Variants in CACNA1C observed in about 807,000 individuals in gnomAD.
CACNA1C encodes voltage-dependent L-type calcium channel subunit alpha-1C.
In CACNA1C, 30 loss-of-function variants were observed where a neutral mutation model predicts 229.0. That is an observed-to-expected ratio of 0.13 (90% confidence interval 0.10 to 0.18). The LOEUF is 0.18. CACNA1C is among the 10% of genes least tolerant of loss of function. The pLI is 1.00. For synonymous variants in CACNA1C, 1,114 were observed against 1,132.5 expected, an observed-to-expected ratio of 0.98 and a Z score of 0.33; for missense variants, 1,658 against 2,845.0, an observed-to-expected ratio of 0.58 and a Z score of 9.49.
At chr12:2,441,540 T>C (rs1030712726) in intron 3 of CACNA1C, among the ~76,000 whole-genome samples, 2 of 152,214 alleles carry the variant, frequency 1.3e-5, no homozygotes, top group African/African-American at 2.4e-5. Context: ...TTCCGTCCCA[T>C]GTCCTAAAAT....
rs1060504920 is a variant in CACNA1C, at chr12:2,666,692, T to A, written c.4533T>A (p.Arg1511=). 1 of 1,589,146 alleles carries A rather than the reference T, an allele frequency of 6.3e-7. No homozygotes were observed. Among genetic ancestry groups the A allele is most frequent in the Non-Finnish European group, 8.6e-7 (1 of 1,166,480 alleles). The change falls in exon 37 of 47, where the codon CGT becomes CGA. Residue 1511 remains arginine (R), a synonymous_variant. Transcript: ENST00000399655. The surrounding 1 kb of genome is among the most constrained non-coding windows in gnomAD (Gnocchi z 5.3). ...CCTCTCCCTCCTCTTCTAGGGGTCGTATCAAACACCTGGATGTGGTGACCC... is the reference window on the plus strand; with the variant it reads ...CCTCTCCCTCCTCTTCTAGGGGTCGAATCAAACACCTGGATGTGGTGACCC... ...WAEYDPEAKG[R]IKHLDVVTLL...
chr12:2,368,509 A>G (rs1038010880), intron 3 of CACNA1C, among the ~76,000 whole-genome samples: 13 of 152,258 alleles, frequency 8.5e-5, no homozygotes, highest in African/African-American at 3.1e-4. Flanking sequence ...AAAATGGAAA[A>G]GAATTCCTAT....
chr12:2,139,926 T>G (rs2093976657), intron 3 of CACNA1C, among the ~76,000 whole-genome samples: 1 of 151,036 alleles, frequency 6.6e-6, no homozygotes, highest in South Asian at 2.1e-4. Flanking sequence ...AGGGCTGGCC[T>G]CCTCCCTGGC....
At chr12:2,670,642 C>T (rs1284552917) in intron 38 of CACNA1C, among the ~76,000 whole-genome samples, 1 of 151,994 alleles carries the variant, frequency 6.6e-6, no homozygotes, top group African/African-American at 2.4e-5. Flanking sequence ...GGGCAGATCC[C>T]GAGGTCAGGA....
chr12:2,280,761 C>T (rs1056967406), intron 3 of CACNA1C, among the ~76,000 whole-genome samples: 12 of 151,570 alleles, frequency 7.9e-5, no homozygotes, highest in African/African-American at 2.7e-4. Flanking sequence ...GGTTTAACCT[C>T]TTGATACCTT....
At chr12:2,229,888 G>A (rs943983570) in intron 3 of CACNA1C, among the ~76,000 whole-genome samples, 2 of 152,200 alleles carry the variant, frequency 1.3e-5, no homozygotes, top group African/African-American at 4.8e-5. Context: ...TGCCCGGAAG[G>A]AGGCCAGAGC....
At chr12:2,563,468 G>A (rs146440654) in intron 11 of CACNA1C, among the ~76,000 whole-genome samples, 285 of 152,296 alleles carry the variant, frequency 1.9e-3, no homozygotes, top group African/African-American at 6.4e-3. Flanking sequence ...TTAAGGTGTG[G>A]CCCTCACTGG....
chr12:2,536,646 T>C (rs1208941616), intron 9 of CACNA1C, among the ~76,000 whole-genome samples: 1 of 152,044 alleles, frequency 6.6e-6, no homozygotes, highest in Non-Finnish European at 1.5e-5. Context: ...CTGGGCAACA[T>C]AGTGAGACCT....
At chr12:2,455,568 G>A (rs1200558417) in intron 4 of CACNA1C, among the ~76,000 whole-genome samples, 1 of 152,114 alleles carries the variant, frequency 6.6e-6, no homozygotes, top group Admixed American at 6.5e-5. Context: ...CACACTTGTG[G>A]CTTGCATCAG....
intron 29 of CACNA1C, 23 bp from the exon 30 acceptor site, chr12:2,634,272 TCC>T: frequency 7.8e-7 from 1 of 1,281,764 alleles, no homozygotes. Flanking sequence ...CTTCTCTCTC[TCC>T]CCGGCTGCTC....
At chr12:2,072,346 A>C (rs2061671764) in intron 1 of CACNA1C, among the ~76,000 whole-genome samples, 1 of 152,008 alleles carries the variant, frequency 6.6e-6, no homozygotes, top group African/African-American at 2.4e-5. Context: ...CTACAGGCAC[A>C]CGCCACCGTG....
rs1182388640 is a variant in CACNA1C, at chr12:2,504,778, G to A, written c.1114-64G>A. On this transcript the variant is annotated intron_variant, in intron 7 of 46. Coordinates refer to ENST00000399655, the MANE Select transcript of CACNA1C (RefSeq NM_000719.7). This position sits in a 1 kb window ranked among gnomAD's most constrained non-coding sequence, Gnocchi z 6.8. ...CGTGGGTCAGTGTCTCGGGAGCCGGGGACCGGCACTGGCCGTGCTCGGTTG... is the reference window on the plus strand; with the variant it reads ...CGTGGGTCAGTGTCTCGGGAGCCGGAGACCGGCACTGGCCGTGCTCGGTTG... 3.9e-6 allele frequency: 4 copies of A among 1,021,650 alleles called. No homozygotes were observed. Among genetic ancestry groups the A allele is most frequent in the Admixed American group, 3.7e-5 (2 of 54,388 alleles). 63.3% of individuals were successfully genotyped at this position (1,021,650 alleles called of 1,614,324 possible).
intron 3 of CACNA1C, among the ~76,000 whole-genome samples, chr12:2,123,883 G>T (rs1322291729): frequency 3.9e-5 from 6 of 152,198 alleles, no homozygotes; most frequent in Admixed American, 3.9e-4. Context: ...ACCTCATAGG[G>T]TTGTTGTGAA....
chr12:2,170,987 G>A (rs2096455781), intron 3 of CACNA1C, among the ~76,000 whole-genome samples: 1 of 152,232 alleles, frequency 6.6e-6, no homozygotes, highest in South Asian at 2.1e-4. Flanking sequence ...ACTCCCATCT[G>A]CACAGTGCCC....
chr12:2,189,079 C>A (rs192925226), intron 3 of CACNA1C, among the ~76,000 whole-genome samples: 1 of 122,368 alleles, frequency 8.2e-6, no homozygotes, highest in African/African-American at 3.6e-5. Context: ...CGCGACAGAA[C>A]GAGACTCCGT....
At chr12:2,236,512 C>T (rs1266579299) in intron 3 of CACNA1C, among the ~76,000 whole-genome samples, 5 of 152,130 alleles carry the variant, frequency 3.3e-5, no homozygotes, top group Non-Finnish European at 7.4e-5. Flanking sequence ...TCCTAGGACT[C>T]TAATGGAAAA....
At chr12:2,494,430 G>C (rs1041901546) in intron 7 of CACNA1C, among the ~76,000 whole-genome samples, 2 of 152,196 alleles carry the variant, frequency 1.3e-5, no homozygotes, top group Non-Finnish European at 2.9e-5. Context: ...ATCCAGTGTT[G>C]TTCTCCAGAA....
At chr12:2,284,359 C>G (rs1436364473) in intron 3 of CACNA1C, among the ~76,000 whole-genome samples, 1 of 147,610 alleles carries the variant, frequency 6.8e-6, no homozygotes, top group Non-Finnish European at 1.5e-5. Flanking sequence ...CGAAGCCAAA[C>G]AAAGTTTCTT....
chr12:2,301,374 G>A (rs143632679), intron 3 of CACNA1C, among the ~76,000 whole-genome samples: 1,525 of 152,284 alleles, frequency 0.01, 34 homozygotes, highest in African/African-American at 0.035. Flanking sequence ...GATCAGGCAA[G>A]GTCTTAATTT....
Sources: allele counts gnomAD v4.1 joint callset (sites outside exome capture counted in the v4.1 genomes callset), GRCh38; gene constraint gnomAD v4.1.1; non-coding constraint Gnocchi (gnomAD v3.1); transcripts MANE v1.5; gene names NCBI Gene and HGNC (gene_info 2026-07-23, HGNC 2026-07-21).